The following LARS1 variants were observed in gnomAD, a reference collection of about 807,000 sequenced individuals.
The protein encoded by LARS1 is leucyl-tRNA synthetase 1.
Under a neutral mutation model 162.8 loss-of-function variants are expected in LARS1, and 100 were observed. That is an observed-to-expected ratio of 0.61 (90% CI 0.52 to 0.73). The LOEUF (loss-of-function observed/expected upper bound fraction) is 0.73, where lower values mean the gene tolerates loss of function less well. LARS1 is among the 30% of genes least tolerant of loss of function. The probability of loss-of-function intolerance (pLI) is 0.00; values close to 1 mark genes in which losing one functional copy is unlikely to be tolerated. For missense variants in LARS1, 1,258 were observed against 1,408.9 expected (o/e 0.89, Z 1.71); for synonymous variants, 457 against 462.8 (o/e 0.99, Z 0.16).
At chr5:146,130,551 T>A in intron 24 of LARS1, 1 of 192,622 alleles carries the variant, frequency 5.2e-6, no homozygotes, top group Non-Finnish European at 1.0e-5. Context: ...GAAAACCAAG[T>A]TATATAAAAC....
Position 146,171,981 on chromosome 5 carries a change from C to T in LARS1, c.223G>A (p.Gly75Arg). The T allele has an allele frequency of 1.2e-6, 2 of 1,611,288 alleles. No homozygotes were observed. The highest frequency in any genetic ancestry group is 1.7e-6 in the Non-Finnish European group (2 of 1,177,696). The change falls in exon 4 of 32, where the codon GGG (glycine) becomes AGG (arginine). Residue 75 changes from glycine (G) to arginine (R), a missense_variant. Physicochemically the swap from Gly to Arg is moderately radical, Grantham distance 125. Transcript: ENST00000394434. ...CATTTTCCTTTCAATCGCTGGTACC[C>T]TACAGCAAACTACAGAAATAAAATT... is the stretch of plus-strand genomic sequence containing the variant. The part of the protein sequence containing the change: ...FSLSKCEFAV[G>R]YQRLKGKCCL...
chr5:146,174,082 G>C (rs1754396569), intron 2 of LARS1, among the ~76,000 whole-genome samples: 2 of 131,998 alleles, frequency 1.5e-5, no homozygotes, highest in Non-Finnish European at 3.1e-5. Flanking sequence ...GAAAATAGAA[G>C]CTTCAAATTA....
At chr5:146,178,205 ATAC>A (rs1227126533) in intron 1 of LARS1, among the ~76,000 whole-genome samples, 1 of 152,268 alleles carries the variant, frequency 6.6e-6, no homozygotes, top group Non-Finnish European at 1.5e-5. Flanking sequence ...TTAAAATTAT[ATAC>A]TACAATGTAA....
rs777735880 is a variant in LARS1 at position 146,128,644 on chromosome 5, G to C, written c.2880+28C>G. 5.6e-6 allele frequency: 8 copies of C among 1,437,986 alleles called. No homozygotes were observed. In the East Asian group the frequency reaches 9.9e-5, roughly 18 times the overall value. 89.1% of individuals were successfully genotyped at this position (1,437,986 alleles called of 1,614,324 possible). Reference sequence around the variant, plus strand: ...ACATAGGGAGCATACAACACCATCAGGGGGGAAAAGTCTACTGAGAGCATC... The same window carrying C: ...ACATAGGGAGCATACAACACCATCACGGGGGAAAAGTCTACTGAGAGCATC... On this transcript the variant is annotated intron_variant, in intron 27 of 31. Coordinates refer to ENST00000394434, the MANE Select transcript of LARS1 (RefSeq NM_020117.11).
intron 2 of LARS1, among the ~76,000 whole-genome samples, chr5:146,175,204 G>C (rs1349116018): frequency 6.6e-6 from 1 of 151,428 alleles, no homozygotes; most frequent in South Asian, 2.1e-4. Context: ...GGGTGACAGA[G>C]GCTCGCTCCA....
intron 31 of LARS1, 28 bp downstream of exon 31, chr5:146,120,343 C>T: frequency 6.2e-7 from 1 of 1,611,348 alleles, no homozygotes; most frequent in Non-Finnish European, 8.5e-7. Context: ...AAGCTACTGA[C>T]AAATGGGAGT....
intron 17 of LARS1, 30 bp downstream of exon 17, chr5:146,144,442 T>C (rs771521756): frequency 6.2e-7 from 1 of 1,605,282 alleles, no homozygotes; most frequent in South Asian, 1.1e-5. Flanking sequence ...CATCTCCTTT[T>C]TCCTCCTTCA....
intron 6 of LARS1, among the ~76,000 whole-genome samples, 185 bp downstream of exon 6, chr5:146,164,125 C>T (rs1445255821): frequency 6.6e-6 from 1 of 152,082 alleles, no homozygotes; most frequent in Non-Finnish European, 1.5e-5. Context: ...AAATAATTGC[C>T]AAAATGTGAC....
rs1419390670 is a variant in LARS1, at chr5:146,143,062, C to T, written c.1900G>A (p.Val634Ile). Reference protein sequence around the residue: ...GIRPQQMTKEVWDYVFFKEAP... With the variant: ...GIRPQQMTKEIWDYVFFKEAP... ...TCCTTGAAGAAAACATAATCCCAAA[C>T]TTCCTTGGTCATCTGTTGCGGTCTG... Residue 634 changes from valine (V) to isoleucine (I), a missense_variant, in exon 20 of 32, where the codon GTT becomes ATT. Val to Ile is a conservative substitution (Grantham distance 29). Coordinates refer to ENST00000394434, the MANE Select transcript of LARS1 (RefSeq NM_020117.11). 1.9e-6 allele frequency: 3 copies of T among 1,612,994 alleles called. No individual in the cohort carries two copies. Among genetic ancestry groups the T allele is most frequent in the Admixed American group, 1.7e-5 (1 of 59,942 alleles).
rs985927864 is a variant in LARS1 at position 146,182,626 on chromosome 5, T to C, written c.-133A>G. ...ACTAAAGCACACGCTTCACACCTGC[T>C]GAGGCAATCATCCGGCTCCTTACTA... On this transcript the variant is annotated 5_prime_UTR_variant, in exon 1 of 32. Coordinates refer to ENST00000394434, the MANE Select transcript of LARS1 (RefSeq NM_020117.11). 17 of 1,216,564 alleles carry C rather than the reference T, an allele frequency of 1.4e-5. No individual in the cohort carries two copies. In the South Asian group the frequency reaches 2.1e-4, roughly 15 times the overall value. The allele number at this position is 1,216,564 out of a possible 1,614,324, so 75.4% of individuals were successfully genotyped here.
chr5:146,131,316 A>G, intron 23 of LARS1: 1 of 382,116 alleles, frequency 2.6e-6, no homozygotes, highest in South Asian at 5.7e-5. Context: ...AAAACAAATT[A>G]CTGCAATCTC....
chr5:146,120,902 G>A (rs1751792336), intron 30 of LARS1, among the ~76,000 whole-genome samples: 1 of 152,080 alleles, frequency 6.6e-6, no homozygotes, highest in South Asian at 2.1e-4. Context: ...TTAAAAATCA[G>A]CACAAGGTCA....
intron 1 of LARS1, chr5:146,179,823 G>C (rs1230779893): frequency 4.7e-6 from 1 of 213,612 alleles, no homozygotes; most frequent in Admixed American, 5.1e-5. Context: ...GGCTGGTCTT[G>C]AACTCCTAGG....
chr5:146,113,733 T>A lies in LARS1; in HGVS notation c.*373A>T, dbSNP rs1309480753. ...AAATACAGCTAACTCCATAAATGAA[T>A]ATACTATAAAAAGCTGTTAGGTACA... On this transcript the variant is annotated 3_prime_UTR_variant, in exon 32 of 32. Transcript: ENST00000394434. 1 of 163,448 alleles carries A rather than the reference T, an allele frequency of 6.1e-6. No individual in the cohort carries two copies. The highest frequency in any genetic ancestry group is 1.7e-4 in the East Asian group (1 of 5,790). The allele number at this position is 163,448 out of a possible 1,614,324, so 10.1% of individuals were successfully genotyped here.
chr5:146,143,461 A>T lies in LARS1; in HGVS notation c.1828T>A (p.Leu610Met). Residue 610 changes from leucine (L) to methionine (M), a missense_variant, in exon 19 of 32, where the codon TTG (leucine) becomes ATG (methionine). Coordinates refer to ENST00000394434, the MANE Select transcript of LARS1 (RefSeq NM_020117.11). ...TGTCCATGCAAGTTACCCCCCTGCA[A>T]TAGGTGTGCAACTGTGTAAAATGCC... is the stretch of plus-strand genomic sequence containing the variant. ...YMAFYTVAHL[L>M]QGGNLHGQAE... is the part of the protein sequence containing the mutation. 1 of 1,613,974 alleles carries T rather than the reference A, an allele frequency of 6.2e-7. No homozygotes were observed. Among genetic ancestry groups the T allele is most frequent in the Non-Finnish European group, 8.5e-7 (1 of 1,179,868 alleles).
intron 31 of LARS1, 39 bp downstream of exon 31, chr5:146,120,332 C>A: frequency 6.2e-7 from 1 of 1,608,754 alleles, no homozygotes; most frequent in Non-Finnish European, 8.5e-7. Flanking sequence ...ACCAAATCTA[C>A]AAGCTACTGA....
In LARS1 at chr5:146,164,334, C is replaced by T. The variant is rs772425476; in HGVS notation, c.570G>A (p.Gln190=). ...WLDYFPPLAI[Q]DLKRMGLKVD... ...CCTTCAAACCCATTCTTTTTAAATC[C>T]TGAATAGCCAGTGGCGGGAAATAAT... is the stretch of plus-strand genomic sequence containing the variant. Residue 190 remains glutamine, a synonymous_variant, in exon 6 of 32, where the codon CAG becomes CAA. Coordinates refer to ENST00000394434, the MANE Select transcript of LARS1 (RefSeq NM_020117.11). 1.2e-6 allele frequency: 2 copies of T among 1,614,028 alleles called. No homozygotes were observed. The highest frequency in any genetic ancestry group is 8.5e-7 in the Non-Finnish European group (1 of 1,179,980).
intron 31 of LARS1, among the ~76,000 whole-genome samples, chr5:146,115,024 C>G (rs1202909814): frequency 3.2e-5 from 4 of 124,146 alleles, no homozygotes; most frequent in Admixed American, 1.0e-4. Flanking sequence ...AGCCTGGCAA[C>G]AGAGCAAGAT....
chr5:146,140,910 CAT>C (rs761902499), intron 20 of LARS1, among the ~76,000 whole-genome samples: 12 of 152,054 alleles, frequency 7.9e-5, no homozygotes, highest in Admixed American at 7.9e-4. Context: ...TATATACACA[CAT>C]ATACATGTGA....
Sources: gnomAD v4.1 joint callset for allele counts (sites outside exome capture counted in the v4.1 genomes callset) on GRCh38, gnomAD v4.1.1 for gene constraint, MANE v1.5 for transcripts, NCBI Gene and HGNC (gene_info 2026-07-23, HGNC 2026-07-21) for gene names.